The following ZRANB2 variants were observed in gnomAD, a reference collection of about 807,000 sequenced individuals.
The protein encoded by ZRANB2 is zinc finger RANBP2-type containing 2.
A neutral mutation model predicts 53.4 loss-of-function variants in ZRANB2; 19 were observed. That is an observed-to-expected ratio of 0.36 (90% CI 0.25 to 0.52). The LOEUF is 0.52. ZRANB2 is among the 20% of genes least tolerant of loss of function. The probability of loss-of-function intolerance (pLI) is 0.93; values close to 1 mark genes in which losing one functional copy is unlikely to be tolerated. For missense variants in ZRANB2, 309 were observed against 401.1 expected (o/e 0.77, Z 1.96); for synonymous variants, 145 against 134.8 (o/e 1.08, Z -0.52).
chr1:71,080,161 A>C (rs1199662245), intron 1 of ZRANB2, among the ~76,000 whole-genome samples: 2 of 152,148 alleles, frequency 1.3e-5, no homozygotes, highest in African/African-American at 4.8e-5. Flanking sequence ...TTGTACATTA[A>C]ATTATTTTCC....
intron 4 of ZRANB2, among the ~76,000 whole-genome samples, chr1:71,075,643 C>T (rs956179280): frequency 6.6e-6 from 1 of 151,590 alleles, no homozygotes; most frequent in Non-Finnish European, 1.5e-5. Flanking sequence ...GAGAAACCTG[C>T]AAAGGAGACA....
At chr1:71,078,409 G>C (rs755600436) in intron 3 of ZRANB2, 48 bp downstream of exon 3, 6 of 1,512,702 alleles carry the variant, frequency 4.0e-6, no homozygotes, top group Admixed American at 1.7e-5. Flanking sequence ...GTAGTGGCCA[G>C]ATCTATTATT....
At chr1:71,067,728 T>C (rs765844339) in intron 8 of ZRANB2, 2 of 418,610 alleles carry the variant, frequency 4.8e-6, no homozygotes, top group Admixed American at 3.6e-5. Flanking sequence ...TGAAAAAATG[T>C]TTGGGAAGAA....
At chr1:71,072,031 T>G in intron 6 of ZRANB2, 90 bp downstream of exon 6, 1 of 1,503,464 alleles carries the variant, frequency 6.7e-7, no homozygotes, top group Non-Finnish European at 8.9e-7. Flanking sequence ...AGAATATATT[T>G]TCACCAAGTG....
rs116041780 is a variant in ZRANB2, at chr1:71,067,086, C to T, written c.771-152G>A. 334 of 627,558 alleles carry T rather than the reference C, an allele frequency of 5.3e-4. 2 individuals carry two copies. The African/African-American group carries it at 5.7e-3, about 11-fold the overall frequency. The allele number at this position is 627,558 out of a possible 1,614,324, so 38.9% of individuals were successfully genotyped here. A position where few individuals can be genotyped will look rare whatever the true frequency, so the allele number is the denominator to read the frequency against. Reference sequence around the variant, plus strand: ...TACTTACTGCTTATTCAACAGAAGACTTCTGGATCAACCATGAAAACATTC... The same window carrying T: ...TACTTACTGCTTATTCAACAGAAGATTTCTGGATCAACCATGAAAACATTC... On this transcript the variant is annotated intron_variant, in intron 8 of 9. Transcript: ENST00000370920.
At chr1:71,067,313 T>C (rs1014999487) in intron 8 of ZRANB2, 2 of 182,162 alleles carry the variant, frequency 1.1e-5, no homozygotes, top group South Asian at 2.3e-4. Context: ...AGGATTAAAA[T>C]ATGTATCTTA....
chr1:71,066,460 A>G (rs1054244438), intron 9 of ZRANB2: 15 of 210,838 alleles, frequency 7.1e-5, no homozygotes, highest in African/African-American at 3.5e-4. Flanking sequence ...AAGTCAACTC[A>G]TAAATTACTT....
In ZRANB2 at chr1:71,072,258, A is replaced by AG; in HGVS notation, c.379-4dup. ...TATTTTTTCTTTTTACGTCCAAACT[A>AG]GAGAAAAACAATTTCAAAATGCTTG... On this transcript the variant is annotated splice_polypyrimidine_tract_variant and splice_region_variant and intron_variant, in intron 5 of 9. Transcript: ENST00000370920. 1 of 1,605,606 alleles carries AG rather than the reference A, an allele frequency of 6.2e-7. No homozygotes were observed. Among genetic ancestry groups the AG allele is most frequent in the Admixed American group, 1.7e-5 (1 of 58,152 alleles).
intron 3 of ZRANB2, among the ~76,000 whole-genome samples, chr1:71,077,717 AT>A (rs1661738781): frequency 6.6e-6 from 1 of 152,138 alleles, no homozygotes; most frequent in African/African-American, 2.4e-5. Context: ...TGAGCCAGGC[AT>A]GGTGGCATGG....
chr1:71,079,519 G>T (rs1218887278), intron 1 of ZRANB2, among the ~76,000 whole-genome samples: 2 of 152,182 alleles, frequency 1.3e-5, no homozygotes, highest in Non-Finnish European at 2.9e-5. Context: ...TGAAGTATGG[G>T]ATGACACTAA....
intron 4 of ZRANB2, among the ~76,000 whole-genome samples, chr1:71,073,895 A>G (rs562958445): frequency 6.6e-6 from 1 of 152,256 alleles, no homozygotes; most frequent in African/African-American, 2.4e-5. Context: ...TGGAAAATAC[A>G]CTAGCTCCCT....
intron 5 of ZRANB2, 64 bp downstream of exon 5, chr1:71,072,408 G>T: frequency 6.6e-7 from 1 of 1,512,324 alleles, no homozygotes; most frequent in South Asian, 1.2e-5. Context: ...GTTTTCCTTT[G>T]CATTTAAGAA....
chr1:71,071,597 C>T, intron 6 of ZRANB2, among the ~76,000 whole-genome samples: 1 of 151,820 alleles, frequency 6.6e-6, no homozygotes, highest in Non-Finnish European at 1.5e-5. Context: ...TGTGTGCTGT[C>T]CCCCTCATCT....
chr1:71,079,001 T>A (rs1442298457), intron 1 of ZRANB2, among the ~76,000 whole-genome samples: 1 of 152,150 alleles, frequency 6.6e-6, no homozygotes, highest in Non-Finnish European at 1.5e-5. Flanking sequence ...TTAGTTATAA[T>A]CCCTTTACAA....
At chr1:71,074,852 T>C (rs1385899966) in intron 4 of ZRANB2, among the ~76,000 whole-genome samples, 1 of 152,096 alleles carries the variant, frequency 6.6e-6, no homozygotes, top group Non-Finnish European at 1.5e-5. Flanking sequence ...CACTGCTTTA[T>C]TACAAATAGC....
chr1:71,072,798 C>T (rs971808651), intron 4 of ZRANB2, among the ~76,000 whole-genome samples: 2 of 152,078 alleles, frequency 1.3e-5, no homozygotes, highest in Admixed American at 1.3e-4. Context: ...TTATTTAATT[C>T]ATAGAAAGTA....
At chr1:71,079,307 A>G (rs1661781749) in intron 1 of ZRANB2, among the ~76,000 whole-genome samples, 1 of 152,188 alleles carries the variant, frequency 6.6e-6, no homozygotes, top group Non-Finnish European at 1.5e-5. Flanking sequence ...ACCAAAACCA[A>G]TAATCTCAAC....
At chr1:71,080,332 A>G (rs1488021652) in intron 1 of ZRANB2, among the ~76,000 whole-genome samples, 3 of 152,148 alleles carry the variant, frequency 2.0e-5, no homozygotes, top group Non-Finnish European at 4.4e-5. Context: ...AGGCAAAAAC[A>G]CAGGCCTCTT....
At chr1:71,073,425 C>A (rs1347795407) in intron 4 of ZRANB2, among the ~76,000 whole-genome samples, 1 of 151,810 alleles carries the variant, frequency 6.6e-6, no homozygotes, top group Non-Finnish European at 1.5e-5. Flanking sequence ...GACTTAGGGA[C>A]TTCATTCATC....
Sources: allele counts gnomAD v4.1 joint callset (sites outside exome capture counted in the v4.1 genomes callset), GRCh38; gene constraint gnomAD v4.1.1; transcripts MANE v1.5; gene names NCBI Gene and HGNC (gene_info 2026-07-23, HGNC 2026-07-21).